Variants in SERBP1 observed in about 807,000 individuals in gnomAD.
SERBP1 encodes the protein SERPINE1 mRNA-binding protein 1.
In SERBP1, 6 loss-of-function variants were observed where a neutral mutation model predicts 50.2. The observed-to-expected ratio is 0.12, with a 90% CI of 0.07 to 0.24. SERBP1 has a LOEUF of 0.24. SERBP1 is among the 10% of genes least tolerant of loss of function. SERBP1 has a pLI of 1.00. For missense variants in SERBP1, 346 were observed against 524.9 expected, an observed-to-expected ratio of 0.66 and a Z score of 3.33; for synonymous variants, 168 against 182.8, an observed-to-expected ratio of 0.92 and a Z score of 0.65.
rs1366912347 is a variant in SERBP1 at position 67,420,191 on chromosome 1, G to A, written c.774-5C>T. On this transcript the variant is annotated splice_polypyrimidine_tract_variant and splice_region_variant and intron_variant, in intron 5 of 7. Transcript: ENST00000361219. The stretch of plus-strand genomic sequence containing the variant: ...ACCTCTTCAACTTCATTCTCCCTGT[G>A]AAAAGGTTTTCAAGTTTTATACCTG... The A allele has an allele frequency of 5.0e-6, 8 of 1,601,388 alleles. No individual in the cohort carries two copies. Among genetic ancestry groups the A allele is most frequent in the East Asian group, 2.2e-5 (1 of 44,548 alleles).
chr1:67,426,675 C>A (rs74871987), intron 1 of SERBP1, among the ~76,000 whole-genome samples: 2,429 of 152,118 alleles, frequency 0.016, 67 homozygotes, highest in African/African-American at 0.056. Flanking sequence ...AAATTTTAGG[C>A]AAGCAATACA....
intron 4 of SERBP1, among the ~76,000 whole-genome samples, chr1:67,424,581 A>G (rs1438186705): frequency 6.6e-6 from 1 of 152,238 alleles, no homozygotes; most frequent in East Asian, 1.9e-4. Flanking sequence ...CAAAGTCAAA[A>G]GCTAGAATAG....
Position 67,408,606 on chromosome 1 carries a change from A to C in SERBP1, c.*4601T>G, listed in dbSNP as rs1388191098. On this transcript the variant is annotated 3_prime_UTR_variant, in exon 8 of 8. Transcript: ENST00000361219. ...AAAAAAGATGCAATCTCCAGGAGCC[A>C]TTAATTTCTGCCCCAGCTCAACCTA... 6.6e-6 allele frequency: 1 copy of C among 150,694 alleles called. No individual in the cohort carries two copies. Among genetic ancestry groups the C allele is most frequent in the Admixed American group, 6.6e-5 (1 of 15,120 alleles). The allele number at this position is 150,694 out of a possible 1,614,324, so 9.3% of individuals were successfully genotyped here.
At chr1:67,418,097 T>G (rs1667082657) in intron 6 of SERBP1, among the ~76,000 whole-genome samples, 1 of 143,682 alleles carries the variant, frequency 7.0e-6, no homozygotes, top group South Asian at 2.4e-4. Flanking sequence ...TGCCTCAGCC[T>G]CCTGAGTAGC....
In SERBP1 at chr1:67,411,103, AAGTT is replaced by A. The variant is rs1216402722; in HGVS notation, c.*2100_*2103del. ...TCAGTTATTACCCACCAATAAGAGAAAGTTAGGTTCACAGTTTTAGCTCTTGACA... is the reference window on the plus strand; with the variant it reads ...TCAGTTATTACCCACCAATAAGAGAAAGGTTCACAGTTTTAGCTCTTGACA... On this transcript the variant is annotated 3_prime_UTR_variant, in exon 8 of 8. Coordinates refer to ENST00000361219, the MANE Select transcript of SERBP1 (RefSeq NM_001018069.2). The A allele has an allele frequency of 6.6e-6, 1 of 152,136 alleles. No homozygotes were observed. Among genetic ancestry groups the A allele is most frequent in the Non-Finnish European group, 1.5e-5 (1 of 67,990 alleles). 9.4% of individuals were successfully genotyped at this position (152,136 alleles called of 1,614,324 possible). A position where few individuals can be genotyped will look rare whatever the true frequency, so the allele number is the denominator to read the frequency against.
chr1:67,424,258 C>T lies in SERBP1; in HGVS notation c.715G>A (p.Val239Met). 6.2e-7 allele frequency: 1 copy of T among 1,611,852 alleles called. No homozygotes were observed. Among genetic ancestry groups the T allele is most frequent in the Non-Finnish European group, 8.5e-7 (1 of 1,178,564 alleles). The change falls in exon 5 of 8, where the codon GTG (valine) becomes ATG (methionine). Residue 239 changes from valine (V) to methionine (M), a missense_variant. Val to Met is a conservative substitution (Grantham distance 21, BLOSUM62 1). This residue lies in a region of SERBP1 where 257 missense variants were observed against 331.2 expected (regional missense o/e 0.78). Transcript: ENST00000361219. ...TCACCTTCAGGTGTTTCCTCAGTCA[C>T]ATTTGATTGATCCAAGTCACTGTAA... ...DELTDLDQSN[V>M]TEETPEGEEH...
Position 67,411,619 on chromosome 1 carries a change from TAATA to T in SERBP1, c.*1584_*1587del, listed in dbSNP as rs1666847946. 1 of 152,202 alleles carries T rather than the reference TAATA, an allele frequency of 6.6e-6. No individual in the cohort carries two copies. The highest frequency in any genetic ancestry group is 2.1e-4 in the South Asian group (1 of 4,828). The allele number at this position is 152,202 out of a possible 1,614,324, so 9.4% of individuals were successfully genotyped here. A position where few individuals can be genotyped will look rare whatever the true frequency, so the allele number is the denominator to read the frequency against. On this transcript the variant is annotated 3_prime_UTR_variant, in exon 8 of 8. Transcript: ENST00000361219. ...TGTCAGAATAGTAGGTAACTGAGAT[TAATA>T]AATCTTATCCAAAAAGTAACTCTTA... is the stretch of plus-strand genomic sequence containing the variant.
Position 67,410,014 on chromosome 1 carries a change from T to C in SERBP1, c.*3193A>G, listed in dbSNP as rs1666776378. The C allele has an allele frequency of 6.6e-6, 1 of 152,212 alleles. No homozygotes were observed. The highest frequency in any genetic ancestry group is 2.1e-4 in the South Asian group (1 of 4,832). The allele number at this position is 152,212 out of a possible 1,614,324, so 9.4% of individuals were successfully genotyped here. A position where few individuals can be genotyped will look rare whatever the true frequency, so the allele number is the denominator to read the frequency against. On this transcript the variant is annotated 3_prime_UTR_variant, in exon 8 of 8. Coordinates refer to ENST00000361219, the MANE Select transcript of SERBP1 (RefSeq NM_001018069.2). Reference sequence around the variant, plus strand: ...ATAATCCAAAACGTCTGGGTTATAATCTATTTTCTAAGTGTTTACTTTAGA... The same window carrying C: ...ATAATCCAAAACGTCTGGGTTATAACCTATTTTCTAAGTGTTTACTTTAGA...
At chr1:67,426,104 G>A (rs777946912) in intron 2 of SERBP1, 31 bp downstream of exon 2, 3 of 1,586,762 alleles carry the variant, frequency 1.9e-6, no homozygotes, top group East Asian at 4.6e-5. Flanking sequence ...GTTAGACCAA[G>A]ACCCTGGCTC....
At chr1:67,423,831 A>T (rs1456547892) in intron 5 of SERBP1, among the ~76,000 whole-genome samples, 1 of 152,188 alleles carries the variant, frequency 6.6e-6, no homozygotes, top group Non-Finnish European at 1.5e-5. Context: ...AAACAGAAAT[A>T]ACCACATTAA....
In SERBP1 at chr1:67,408,493, C is replaced by T. The variant is rs936435891; in HGVS notation, c.*4714G>A. 1.9e-4 allele frequency: 28 copies of T among 147,550 alleles called. No homozygotes were observed. Among genetic ancestry groups the T allele is most frequent in the African/African-American group, 6.5e-4 (26 of 39,994 alleles). The allele number at this position is 147,550 out of a possible 1,614,324, so 9.1% of individuals were successfully genotyped here. A position where few individuals can be genotyped will look rare whatever the true frequency, so the allele number is the denominator to read the frequency against. ...TTTTTCCCTTCCATTTAGAAGTGAA[C>T]AATTGGCTACCAGTTTAGTACAGAA... On this transcript the variant is annotated 3_prime_UTR_variant, in exon 8 of 8. Coordinates refer to ENST00000361219, the MANE Select transcript of SERBP1 (RefSeq NM_001018069.2).
At chr1:67,424,789 A>T in intron 4 of SERBP1, 99 bp downstream of exon 4, 1 of 897,062 alleles carries the variant, frequency 1.1e-6, no homozygotes, top group Non-Finnish European at 1.8e-6. Flanking sequence ...CTCTCAGAAG[A>T]GAGCATTCAT....
Position 67,412,744 on chromosome 1 carries a change from T to C in SERBP1, c.*463A>G, listed in dbSNP as rs187263742. ...CAAATCAAAGTTTAACATGTCCCAGTTGACCATGTGTGAATATGCAAAGCA... is the reference window on the plus strand; with the variant it reads ...CAAATCAAAGTTTAACATGTCCCAGCTGACCATGTGTGAATATGCAAAGCA... On this transcript the variant is annotated 3_prime_UTR_variant, in exon 8 of 8. Coordinates refer to ENST00000361219, the MANE Select transcript of SERBP1 (RefSeq NM_001018069.2). 261 of 154,476 alleles carry C rather than the reference T, an allele frequency of 1.7e-3. 2 individuals are homozygous for C. The highest frequency in any genetic ancestry group is 1.6e-3 in the Non-Finnish European group (113 of 69,300). The allele number at this position is 154,476 out of a possible 1,614,324, so 9.6% of individuals were successfully genotyped here.
intron 2 of SERBP1, 119 bp from the exon 3 acceptor site, chr1:67,425,342 A>G: frequency 1.1e-6 from 1 of 927,544 alleles, no homozygotes; most frequent in Non-Finnish European, 1.6e-6. Flanking sequence ...AGTTAAATAC[A>G]TACACTTCAG....
Position 67,430,012 on chromosome 1 carries a change from G to A in SERBP1, c.289C>T (p.Pro97Ser), listed in dbSNP as rs550720750. 5 of 1,610,858 alleles carry A rather than the reference G, an allele frequency of 3.1e-6. No individual in the cohort carries two copies. The Admixed American group carries it at 5.1e-5, about 16-fold the overall frequency. ...CCTTCTTTCTTAAGCGCCACGGGCG[G>A]CTGCGTCTCCTCTTTCTTGTCAACC... ...GVVDKKEETQ[P>S]PVALKKEGIR... The change falls in exon 1 of 8, where the codon CCG (proline) becomes TCG (serine). Residue 97 changes from proline to serine, a missense_variant. Transcript: ENST00000361219.
chr1:67,415,322 C>T lies in SERBP1; in HGVS notation c.969G>A (p.Ser323=), dbSNP rs761857752. 12 of 1,592,290 alleles carry T rather than the reference C, an allele frequency of 7.5e-6. No individual in the cohort carries two copies. The highest frequency in any genetic ancestry group is 3.5e-5 in the South Asian group (3 of 86,792). The part of the protein sequence containing the change: ...SKSEEAHAED[S]VMDHHFRKPA... Reference sequence around the variant, plus strand: ...GCTTCCGGAAATGATGGTCCATAACCGAATCTTCAGCATGAGCCTAAAAAT... The same window carrying T: ...GCTTCCGGAAATGATGGTCCATAACTGAATCTTCAGCATGAGCCTAAAAAT... The change falls in exon 7 of 8, where the codon TCG becomes TCA. Residue 323 remains serine, a synonymous_variant. Coordinates refer to ENST00000361219, the MANE Select transcript of SERBP1 (RefSeq NM_001018069.2).
rs1219758873 is a variant in SERBP1 at position 67,410,431 on chromosome 1, G to C, written c.*2776C>G. On this transcript the variant is annotated 3_prime_UTR_variant, in exon 8 of 8. Transcript: ENST00000361219. ...AAGCCCCAAATATATTTACAACCCT[G>C]GAAATGATGTGTACTACTTTTATTT... is the stretch of plus-strand genomic sequence containing the variant. The C allele has an allele frequency of 1.3e-5, 2 of 151,846 alleles. No individual in the cohort carries two copies. The highest frequency in any genetic ancestry group is 1.3e-4 in the Admixed American group (2 of 15,248). 9.4% of individuals were successfully genotyped at this position (151,846 alleles called of 1,614,324 possible).
At chr1:67,428,103 C>T (rs538261403) in intron 1 of SERBP1, among the ~76,000 whole-genome samples, 12 of 152,202 alleles carry the variant, frequency 7.9e-5, no homozygotes, top group Admixed American at 3.3e-4. Context: ...GTAATCAGGA[C>T]AGTAGAATCT....
intron 5 of SERBP1, among the ~76,000 whole-genome samples, chr1:67,423,576 C>T (rs546052697): frequency 3.3e-5 from 5 of 150,136 alleles, no homozygotes; most frequent in East Asian, 2.0e-4. Flanking sequence ...CACTGCACTC[C>T]AGCCTCGGCA....
Sources: allele counts gnomAD v4.1 joint callset (sites outside exome capture counted in the v4.1 genomes callset), GRCh38; gene constraint gnomAD v4.1.1; regional missense constraint gnomAD v4.1.1; transcripts MANE v1.5; gene names NCBI Gene and HGNC (gene_info 2026-07-23, HGNC 2026-07-21).